INTS6: variants seen among roughly 807,000 people sequenced by gnomAD.
INTS6 encodes the protein integrator complex subunit 6.
Under a neutral mutation model 104.9 loss-of-function variants are expected in INTS6, and 16 were observed. That is an observed-to-expected ratio of 0.15 (90% CI 0.10 to 0.23). The LOEUF (loss-of-function observed/expected upper bound fraction) is 0.23, where lower values mean the gene tolerates loss of function less well. INTS6 is among the 10% of genes least tolerant of loss of function. The probability of loss-of-function intolerance (pLI) is 1.00; values close to 1 mark genes in which losing one functional copy is unlikely to be tolerated. For missense variants in INTS6, 584 were observed against 1,062.8 expected, an observed-to-expected ratio of 0.55 and a Z score of 6.26; for synonymous variants, 324 against 358.7, an observed-to-expected ratio of 0.90 and a Z score of 1.09.
At chr13:51,383,294 G>A (rs1363896268) in intron 9 of INTS6, 35 bp downstream of exon 9, 1 of 1,559,784 alleles carries the variant, frequency 6.4e-7, no homozygotes, top group African/African-American at 1.4e-5. Flanking sequence ...ACTTTTATAT[G>A]CTAAGCCAAG....
intron 3 of INTS6, among the ~76,000 whole-genome samples, chr13:51,435,877 C>G (rs1389022941): frequency 6.6e-6 from 1 of 151,928 alleles, no homozygotes; most frequent in Non-Finnish European, 1.5e-5. Flanking sequence ...AATACACAAA[C>G]TGGGTAATAA....
chr13:51,355,494 T>C (rs936635869), intron 3 of INTS6, among the ~76,000 whole-genome samples: 13 of 152,132 alleles, frequency 8.5e-5, no homozygotes. Flanking sequence ...TGCTGTCCCA[T>C]CAGCTTCAGT....
At chr13:51,386,398 C>T (rs1295108904) in intron 7 of INTS6, among the ~76,000 whole-genome samples, 1 of 151,970 alleles carries the variant, frequency 6.6e-6, no homozygotes, top group African/African-American at 2.4e-5. Context: ...AGTAAAATGA[C>T]CAAAGAAATT....
chr13:51,430,106 ACAG>A, intron 4 of INTS6, 185 bp downstream of exon 4: 3 of 497,902 alleles, frequency 6.0e-6, no homozygotes, highest in Non-Finnish European at 1.1e-5. Flanking sequence ...AACATTTCTC[ACAG>A]AAGAGATTCT....
At chr13:51,377,474 C>G (rs953790260) in intron 12 of INTS6, among the ~76,000 whole-genome samples, 1 of 152,008 alleles carries the variant, frequency 6.6e-6, no homozygotes, top group African/African-American at 2.4e-5. Context: ...AGTTTTTGTT[C>G]TTACATTTAA....
rs1955639591 is a variant in INTS6 at position 51,364,194 on chromosome 13, A to T, written c.*1558T>A. ...AAGTAAACAAAGCTTAAAGAACTGC[A>T]TATGAAAATACTATATAATATTAAA... is the stretch of plus-strand genomic sequence containing the variant. On this transcript the variant is annotated 3_prime_UTR_variant, in exon 18 of 18. Transcript: ENST00000311234. The T allele has an allele frequency of 1.1e-6, 1 of 923,812 alleles. No individual in the cohort carries two copies. The highest frequency in any genetic ancestry group is 2.6e-5 in the Admixed American group (1 of 37,900). 57.2% of individuals were successfully genotyped at this position (923,812 alleles called of 1,614,324 possible).
chr13:51,344,456 C>T, the INTS6 span: 2 of 1,598,996 alleles, frequency 1.3e-6, no homozygotes, highest in African/African-American at 2.7e-5. Flanking sequence ...GCCATCCAGA[C>T]TAGCGAAGGG....
chr13:51,451,556 C>T (rs547761454), intron 2 of INTS6: 93 of 157,326 alleles, frequency 5.9e-4, no homozygotes, highest in Non-Finnish European at 8.8e-4. Flanking sequence ...CTGGCAGCCC[C>T]GCATCTGGCT....
chr13:51,437,292 T>C (rs1952709076), intron 3 of INTS6: 2 of 152,202 alleles, frequency 1.3e-5, no homozygotes, highest in South Asian at 4.1e-4. Context: ...CTACAAAATC[T>C]ACAGATGCTA....
downstream of INTS6, among the ~76,000 whole-genome samples, chr13:51,358,793 G>A (rs1955518950): frequency 6.6e-6 from 1 of 152,064 alleles, no homozygotes. Flanking sequence ...GGGAGGGTAG[G>A]AAGAGTATCA....
chr13:51,381,701 GTTT>G (rs57189672), intron 10 of INTS6, among the ~76,000 whole-genome samples: 1 of 143,510 alleles, frequency 7.0e-6, no homozygotes, highest in Non-Finnish European at 1.5e-5. Context: ...CAAGTTTTTT[GTTT>G]TTTTTTTTTT....
At chr13:51,347,349 C>A in the INTS6 span, 1 of 881,054 alleles carries the variant, frequency 1.1e-6, no homozygotes, top group Middle Eastern at 2.4e-4. Context: ...CCGCAGGGTC[C>A]ATCTGCTGGA....
chr13:51,428,570 C>T (rs781195915), intron 4 of INTS6, among the ~76,000 whole-genome samples: 8 of 151,800 alleles, frequency 5.3e-5, no homozygotes, highest in Admixed American at 6.6e-5. Context: ...CATGTCTGCC[C>T]GCCTCAGCCT....
At chr13:51,450,902 C>T (rs1454960205) in intron 3 of INTS6, 123 bp downstream of exon 3, 12 of 1,338,948 alleles carry the variant, frequency 9.0e-6, no homozygotes, top group Admixed American at 3.0e-5. Context: ...GAACAATGTG[C>T]ATATTCTATT....
chr13:51,400,643 C>T (rs1001197021), intron 4 of INTS6, among the ~76,000 whole-genome samples: 2 of 151,960 alleles, frequency 1.3e-5, no homozygotes, highest in African/African-American at 4.8e-5. Flanking sequence ...AACAGTATTA[C>T]ATGGAAGGAA....
At chr13:51,347,963 C>T in the INTS6 span, among the ~76,000 whole-genome samples, 11 of 152,090 alleles carry the variant, frequency 7.2e-5, no homozygotes, top group African/African-American at 2.4e-4. Flanking sequence ...TCGTCCCCCC[C>T]CCCATACCCA....
chr13:51,452,990 C>T lies in INTS6; in HGVS notation c.-465G>A. 1 of 1,005,286 alleles carries T rather than the reference C, an allele frequency of 9.9e-7. No individual in the cohort carries two copies. The highest frequency in any genetic ancestry group is 1.2e-6 in the Non-Finnish European group (1 of 841,866). 62.3% of individuals were successfully genotyped at this position (1,005,286 alleles called of 1,614,324 possible). A position where few individuals can be genotyped will look rare whatever the true frequency, so the allele number is the denominator to read the frequency against. ...GGAGAAGTTTCAGGGACTCCCTCCGCACCCCGGCGGTGTCACCACTTTCTC... is the reference window on the plus strand; with the variant it reads ...GGAGAAGTTTCAGGGACTCCCTCCGTACCCCGGCGGTGTCACCACTTTCTC... On this transcript the variant is annotated 5_prime_UTR_variant, in exon 1 of 18. Coordinates refer to ENST00000311234, the MANE Select transcript of INTS6 (RefSeq NM_012141.3). This position sits in a 1 kb window ranked among gnomAD's most constrained non-coding sequence, Gnocchi z 4.2.
At chr13:51,356,345 G>A (rs913752960) in intron 3 of INTS6, among the ~76,000 whole-genome samples, 1 of 152,014 alleles carries the variant, frequency 6.6e-6, no homozygotes, top group African/African-American at 2.4e-5. Context: ...GAATACTGAA[G>A]TGAAAAGATT....
At chr13:51,405,119 T>C (rs1420378107) in intron 4 of INTS6, among the ~76,000 whole-genome samples, 3 of 152,130 alleles carry the variant, frequency 2.0e-5, no homozygotes, top group Admixed American at 6.5e-5. Context: ...CAGAACCTCA[T>C]GCAAGTTAGG....
Sources: gnomAD v4.1 joint callset for allele counts (sites outside exome capture counted in the v4.1 genomes callset) on GRCh38, gnomAD v4.1.1 for gene constraint, Gnocchi (gnomAD v3.1) non-coding constraint, MANE v1.5 for transcripts, NCBI Gene and HGNC (gene_info 2026-07-23, HGNC 2026-07-21) for gene names.